BBS9: variants seen among roughly 807,000 people sequenced by gnomAD.
BBS9 encodes the protein Bardet-Biedl syndrome 9.
Under a neutral mutation model 117.7 loss-of-function variants are expected in BBS9, and 89 were observed. That is an observed-to-expected ratio of 0.76 (90% CI 0.64 to 0.90). BBS9 has a LOEUF of 0.90. BBS9 is among the 40% of genes least tolerant of loss of function. The pLI, the probability that BBS9 is intolerant of heterozygous loss-of-function variation, is 0.00. For missense variants in BBS9, 982 were observed against 1,042.2 expected, an observed-to-expected ratio of 0.94 and a Z score of 0.80; for synonymous variants, 379 against 370.9, an observed-to-expected ratio of 1.02 and a Z score of -0.25.
chr7:33,461,383 A>G (rs1249156862), intron 19 of BBS9, among the ~76,000 whole-genome samples: 1 of 152,014 alleles, frequency 6.6e-6, no homozygotes, highest in African/African-American at 2.4e-5. Flanking sequence ...AAAATGCTCA[A>G]TTTGGAAACA....
At chr7:33,250,566 A>G (rs1420595079) in intron 5 of BBS9, among the ~76,000 whole-genome samples, 2 of 152,146 alleles carry the variant, frequency 1.3e-5, no homozygotes, top group African/African-American at 2.4e-5. Context: ...AGCCTTTGGT[A>G]TGTATTCTGA....
chr7:33,313,036 GGTGTGTGTGTGTGTGT>G (rs5883397), intron 9 of BBS9, among the ~76,000 whole-genome samples: 1 of 147,948 alleles, frequency 6.8e-6, no homozygotes, highest in South Asian at 2.1e-4. Context: ...TGTACTCTGT[GGTGTGTGTGTGTGTGT>G]GTGTGTGTGT....
Position 33,604,966 on chromosome 7 carries a change from C to A in BBS9, c.2623C>A (p.Pro875Thr), listed in dbSNP as rs755911247. Reference sequence around the variant, plus strand: ...CCACAGACATCTCACTGCAGAGACACCCAGGCCTGGTAAGAGACTGGATGG... The same window carrying A: ...CCACAGACATCTCACTGCAGAGACAACCAGGCCTGGTAAGAGACTGGATGG... ...TNHRHLTAET[P>T]RPEVSPLQGV... Residue 875 changes from proline to threonine, a missense_variant, in exon 22 of 23, where the codon CCC becomes ACC. Transcript: ENST00000242067. The A allele has an allele frequency of 1.9e-6, 3 of 1,608,596 alleles. No homozygotes were observed. Among genetic ancestry groups the A allele is most frequent in the Admixed American group, 3.3e-5 (2 of 59,982 alleles).
intron 19 of BBS9, among the ~76,000 whole-genome samples, chr7:33,439,669 C>T (rs992706055): frequency 5.9e-5 from 9 of 151,888 alleles, no homozygotes; most frequent in African/African-American, 2.2e-4. Context: ...GCTGGGATTA[C>T]AGGTGTGTGC....
At chr7:33,349,384 C>T in intron 13 of BBS9, 1 of 574,640 alleles carries the variant, frequency 1.7e-6, no homozygotes, top group South Asian at 1.5e-5. Context: ...TTTACGATTA[C>T]AGATTTCTAG....
rs1831469827 is a variant in BBS9, at chr7:33,413,427, G to T, written c.2115+25283G>T. On this transcript the variant is annotated intron_variant, in intron 19 of 22. Transcript: ENST00000242067. ...AGTCAAAGAATAGGAGTATTTTAAG[G>T]CCTTAATATAAATTAGCTGATTATT... 2.6e-5 allele frequency among the ~76,000 whole-genome samples: 4 copies of T among 152,186 alleles called. No individual in the cohort carries two copies. In the South Asian group the frequency reaches 8.3e-4, roughly 32 times the overall value.
chr7:33,372,485 A>G (rs184242587), intron 17 of BBS9, among the ~76,000 whole-genome samples: 3 of 152,268 alleles, frequency 2.0e-5, no homozygotes, highest in African/African-American at 4.8e-5. Context: ...CCATCCTTGC[A>G]TCCCTGGAAT....
At chr7:33,142,527 T>C (rs10951376) in intron 1 of BBS9, among the ~76,000 whole-genome samples, 24,648 of 152,218 alleles carry the variant, frequency 0.16, 2,139 homozygotes, top group South Asian at 0.21. Flanking sequence ...AAATTGACAT[T>C]ATTGTGCAAC....
Position 33,374,913 on chromosome 7 carries a change from A to C in BBS9, c.1789+7051A>C, listed in dbSNP as rs961307890. On this transcript the variant is annotated intron_variant, in intron 17 of 22. Coordinates refer to ENST00000242067, the MANE Select transcript of BBS9 (RefSeq NM_198428.3). The stretch of plus-strand genomic sequence containing the variant: ...TGAAACTCCGTCTCAAAAAAAAAAA[A>C]AAAAAAAAAACCTATTGAAATAGTT... Among the ~76,000 whole-genome samples the C allele has an allele frequency of 9.2e-5, 14 of 151,988 alleles. No homozygotes were observed. In the East Asian group the frequency reaches 2.1e-3, roughly 23 times the overall value.
intron 9 of BBS9, among the ~76,000 whole-genome samples, chr7:33,323,150 C>A (rs916137887): frequency 6.6e-6 from 1 of 151,914 alleles, no homozygotes; most frequent in African/African-American, 2.4e-5. Flanking sequence ...GTTTTGTGGC[C>A]TAACATTTTG....
chr7:33,196,294 A>G (rs1200994706), intron 5 of BBS9, among the ~76,000 whole-genome samples: 2 of 152,060 alleles, frequency 1.3e-5, no homozygotes, highest in African/African-American at 4.8e-5. Context: ...AATAACTTCT[A>G]ATTGTCTGAA....
At chr7:33,390,640 T>C (rs1202255433) in intron 19 of BBS9, 26 of 962,916 alleles carry the variant, frequency 2.7e-5, no homozygotes, top group Non-Finnish European at 3.1e-5. Flanking sequence ...ATAAAGTCTA[T>C]TTTAATTCCG....
chr7:33,483,472 T>G (rs1324284510), intron 19 of BBS9, among the ~76,000 whole-genome samples: 1 of 152,232 alleles, frequency 6.6e-6, no homozygotes, highest in Non-Finnish European at 1.5e-5. Flanking sequence ...AGATCTAATT[T>G]AGGTTCTTCA....
chr7:33,160,401 T>G (rs1041531365), intron 4 of BBS9, among the ~76,000 whole-genome samples: 1 of 152,204 alleles, frequency 6.6e-6, no homozygotes, highest in African/African-American at 2.4e-5. Context: ...CCTTCGTCTT[T>G]TATCTATTGA....
chr7:33,170,006 C>T (rs1056432286), intron 4 of BBS9, among the ~76,000 whole-genome samples: 10 of 152,116 alleles, frequency 6.6e-5, no homozygotes, highest in East Asian at 3.9e-4. Context: ...TAATCACAGC[C>T]GAATTCTACC....
intron 7 of BBS9, among the ~76,000 whole-genome samples, chr7:33,272,744 A>G (rs1222853719): frequency 6.6e-6 from 1 of 152,148 alleles, no homozygotes; most frequent in Non-Finnish European, 1.5e-5. Context: ...GAAGTTTTTT[A>G]GGGAAGCAGA....
intron 21 of BBS9, among the ~76,000 whole-genome samples, chr7:33,594,807 C>T (rs1862466596): frequency 1.3e-5 from 2 of 152,028 alleles, no homozygotes; most frequent in Non-Finnish European, 1.5e-5. Flanking sequence ...GAGGTCTGTG[C>T]CTGTTGTATT....
chr7:33,239,876 C>G (rs1794185714), intron 5 of BBS9, among the ~76,000 whole-genome samples: 1 of 152,038 alleles, frequency 6.6e-6, no homozygotes, highest in Non-Finnish European at 1.5e-5. Context: ...CATGGTGGTG[C>G]TGCACACCTG....
chr7:33,483,528 TC>T (rs1842745457), intron 19 of BBS9, among the ~76,000 whole-genome samples: 1 of 152,202 alleles, frequency 6.6e-6, no homozygotes, highest in South Asian at 2.1e-4. Flanking sequence ...CATTTTTTAA[TC>T]CCATCAAGGT....
Sources: allele counts gnomAD v4.1 joint callset (sites outside exome capture counted in the v4.1 genomes callset), GRCh38; gene constraint gnomAD v4.1.1; transcripts MANE v1.5; gene names NCBI Gene and HGNC (gene_info 2026-07-23, HGNC 2026-07-21).